Variants in MIX23 observed in about 807,000 individuals in gnomAD.
MIX23 encodes the protein mitochondrial matrix import factor 23, also known as protein MIX23.
MIX23 carries 13 observed loss-of-function variants against 21.6 expected under a neutral mutation model. The ratio of observed to expected loss-of-function variants is 0.60; its 90% CI spans 0.39 to 0.96. MIX23 has a LOEUF of 0.96. MIX23 is among the 40% of genes least tolerant of loss of function. The probability of loss-of-function intolerance (pLI) is 0.00; values close to 1 mark genes in which losing one functional copy is unlikely to be tolerated. For synonymous variants in MIX23, 59 were observed against 58.0 expected (o/e 1.02, Z -0.08); for missense variants, 144 against 171.2 (o/e 0.84, Z 0.89).
intron 3 of MIX23, chr3:122,365,253 TCTGA>T (rs2075388131): frequency 6.6e-6 from 1 of 152,230 alleles, no homozygotes; most frequent in African/African-American, 2.4e-5. Context: ...CACTAAAGTA[TCTGA>T]CTATTAGTCA....
chr3:122,361,500 G>A (rs1285132877), intron 4 of MIX23, among the ~76,000 whole-genome samples: 1 of 152,058 alleles, frequency 6.6e-6, no homozygotes, highest in Non-Finnish European at 1.5e-5. Flanking sequence ...AGAGCACCAT[G>A]GCTACATTTT....
intron 1 of MIX23, among the ~76,000 whole-genome samples, chr3:122,372,641 C>T (rs753227460): frequency 3.7e-4 from 57 of 152,088 alleles, no homozygotes; most frequent in Non-Finnish European, 7.9e-4. Context: ...TAATGACAGA[C>T]ATAGTGAGAC....
At chr3:122,370,189 C>T (rs980898006) in intron 2 of MIX23, among the ~76,000 whole-genome samples, 5 of 152,082 alleles carry the variant, frequency 3.3e-5, no homozygotes, top group African/African-American at 1.2e-4. Context: ...TGTTGGCTCA[C>T]GCCTGTAATC....
At chr3:122,377,143 T>C (rs763257420) in intron 1 of MIX23, among the ~76,000 whole-genome samples, 22 of 152,232 alleles carry the variant, frequency 1.4e-4, no homozygotes, top group Non-Finnish European at 5.9e-5. Context: ...ATCACGCCAC[T>C]GTACTCCAGC....
chr3:122,361,409 G>C (rs532106790), intron 4 of MIX23, among the ~76,000 whole-genome samples: 57 of 152,218 alleles, frequency 3.7e-4, no homozygotes, highest in African/African-American at 1.3e-3. Context: ...ACTGGTTGGG[G>C]TGATATATAC....
intron 1 of MIX23, among the ~76,000 whole-genome samples, chr3:122,380,915 G>A (rs764155604): frequency 1.3e-4 from 20 of 152,046 alleles, no homozygotes; most frequent in Admixed American, 3.9e-4. Flanking sequence ...GCACCTCTTC[G>A]ATCATCTCAC....
chr3:122,378,188 G>A (rs1179339281), intron 1 of MIX23, among the ~76,000 whole-genome samples: 4 of 152,202 alleles, frequency 2.6e-5, no homozygotes, highest in South Asian at 2.1e-4. Flanking sequence ...TCAGTTAGAC[G>A]ACTGCAGCAA....
At chr3:122,377,667 A>T (rs1235094789) in intron 1 of MIX23, among the ~76,000 whole-genome samples, 1 of 152,134 alleles carries the variant, frequency 6.6e-6, no homozygotes, top group African/African-American at 2.4e-5. Context: ...TGGGCAACAC[A>T]GTAAGACTCT....
At chr3:122,370,709 G>A (rs1213206488) in intron 2 of MIX23, among the ~76,000 whole-genome samples, 1 of 152,172 alleles carries the variant, frequency 6.6e-6, no homozygotes, top group African/African-American at 2.4e-5. Flanking sequence ...TCTTCAGACA[G>A]AGGTACCCAA....
chr3:122,380,780 G>C (rs936719765), intron 1 of MIX23, among the ~76,000 whole-genome samples: 1 of 152,186 alleles, frequency 6.6e-6, no homozygotes, highest in African/African-American at 2.4e-5. Flanking sequence ...ATGGAGATTA[G>C]ATTGAAGGGG....
chr3:122,369,456 C>T (rs1317929053), intron 2 of MIX23, among the ~76,000 whole-genome samples: 1 of 152,194 alleles, frequency 6.6e-6, no homozygotes, highest in African/African-American at 2.4e-5. Context: ...TAGAGTTCTG[C>T]TTCTTGACTG....
chr3:122,361,195 T>G (rs545982719), intron 4 of MIX23, among the ~76,000 whole-genome samples: 1 of 152,312 alleles, frequency 6.6e-6, no homozygotes, highest in South Asian at 2.1e-4. Flanking sequence ...ACATGAATAT[T>G]CATTTTATTA....
chr3:122,374,484 C>T (rs182375681), intron 1 of MIX23, among the ~76,000 whole-genome samples: 205 of 152,300 alleles, frequency 1.3e-3, no homozygotes, highest in Non-Finnish European at 2.6e-3. Context: ...CTCTAGATTA[C>T]TTATATCTAA....
intron 3 of MIX23, among the ~76,000 whole-genome samples, chr3:122,364,274 A>T (rs2075380657): frequency 1.3e-5 from 2 of 152,172 alleles, no homozygotes; most frequent in Admixed American, 6.5e-5. Flanking sequence ...AAGGAGAAGG[A>T]CTCATTCTGA....
intron 1 of MIX23, among the ~76,000 whole-genome samples, chr3:122,374,119 TAA>T (rs369902989): frequency 0.05 from 6,813 of 136,618 alleles, 270 homozygotes; most frequent in African/African-American, 0.1. Flanking sequence ...TTTTTTTTTT[TAA>T]AAAAAAAGCC....
At chr3:122,370,838 T>G (rs1035269654) in intron 2 of MIX23, among the ~76,000 whole-genome samples, 1 of 152,202 alleles carries the variant, frequency 6.6e-6, no homozygotes, top group Non-Finnish European at 1.5e-5. Flanking sequence ...CAAAGAAGAC[T>G]TACCTGCTCA....
chr3:122,368,473 GA>G, intron 2 of MIX23, 151 bp from the exon 3 acceptor site: 1 of 809,144 alleles, frequency 1.2e-6, no homozygotes. Context: ...AGATTGTGTT[GA>G]ATCAGCTACC....
intron 4 of MIX23, among the ~76,000 whole-genome samples, chr3:122,361,799 T>G (rs2075360796): frequency 6.6e-6 from 1 of 152,200 alleles, no homozygotes; most frequent in African/African-American, 2.4e-5. Flanking sequence ...ATAGGAAACC[T>G]TGGCAAAGAG....
intron 3 of MIX23, chr3:122,366,555 A>C (rs1265663324): frequency 6.6e-6 from 1 of 152,236 alleles, no homozygotes; most frequent in Non-Finnish European, 1.5e-5. Flanking sequence ...TACATCTACT[A>C]AACAAAGGGC....
Sources: allele counts gnomAD v4.1 joint callset (sites outside exome capture counted in the v4.1 genomes callset), GRCh38; gene constraint gnomAD v4.1.1; transcripts MANE v1.5; gene names NCBI Gene and HGNC (gene_info 2026-07-23, HGNC 2026-07-21).